Variants in PIP5K1B observed in about 807,000 individuals in gnomAD.
PIP5K1B encodes the protein phosphatidylinositol-4-phosphate 5-kinase type 1 beta.
A neutral mutation model predicts 67.0 loss-of-function variants in PIP5K1B; 42 were observed. The observed-to-expected ratio is 0.63, with a 90% confidence interval of 0.49 to 0.81. The LOEUF is 0.81. PIP5K1B is among the 30% of genes least tolerant of loss of function. PIP5K1B has a pLI of 0.00. For missense variants in PIP5K1B, 459 were observed against 646.3 expected, an observed-to-expected ratio of 0.71 and a Z score of 3.14; for synonymous variants, 214 against 231.4, an observed-to-expected ratio of 0.92 and a Z score of 0.68.
chr9:68,943,706 T>C (rs943680364), intron 14 of PIP5K1B, among the ~76,000 whole-genome samples: 4 of 152,204 alleles, frequency 2.6e-5, no homozygotes, highest in African/African-American at 7.2e-5. Flanking sequence ...ATTGATGTTA[T>C]AATTTACATG....
chr9:69,006,445 T>C (rs989337659), intron 15 of PIP5K1B, among the ~76,000 whole-genome samples: 3 of 152,096 alleles, frequency 2.0e-5, no homozygotes, highest in Non-Finnish European at 4.4e-5. Flanking sequence ...GAGATTCCAC[T>C]CACCTCCCGA....
At chr9:68,923,938 A>G (rs767104911) in intron 12 of PIP5K1B, among the ~76,000 whole-genome samples, 6 of 152,174 alleles carry the variant, frequency 3.9e-5, no homozygotes, top group Admixed American at 1.3e-4. Context: ...CTTCTCAAGT[A>G]TTTGAAAATT....
intron 4 of PIP5K1B, among the ~76,000 whole-genome samples, chr9:68,831,692 T>A (rs1210213329): frequency 6.6e-6 from 1 of 152,170 alleles, no homozygotes; most frequent in Non-Finnish European, 1.5e-5. Context: ...ACTTTTTTTT[T>A]TTGACGGAGT....
intron 13 of PIP5K1B, among the ~76,000 whole-genome samples, chr9:68,935,711 C>T (rs1827230966): frequency 6.6e-6 from 1 of 152,206 alleles, no homozygotes; most frequent in South Asian, 2.1e-4. Context: ...CACACACATA[C>T]ACTCAATGTA....
intron 2 of PIP5K1B, among the ~76,000 whole-genome samples, chr9:68,770,648 T>C (rs956584741): frequency 2.6e-5 from 4 of 152,146 alleles, no homozygotes; most frequent in Non-Finnish European, 5.9e-5. Flanking sequence ...TAGATTCTCA[T>C]AGAAGCGCAA....
chr9:68,967,014 G>T (rs1372961522), intron 14 of PIP5K1B, among the ~76,000 whole-genome samples: 1 of 152,142 alleles, frequency 6.6e-6, no homozygotes, highest in African/African-American at 2.4e-5. Context: ...ATTTTCACCT[G>T]CCATAGAATC....
chr9:68,917,842 T>G, intron 9 of PIP5K1B, 83 bp downstream of exon 9: 1 of 993,842 alleles, frequency 1.0e-6, no homozygotes, highest in Non-Finnish European at 1.6e-6. Flanking sequence ...ACATTCACCT[T>G]AGGGTGGGAC....
At chr9:68,993,436 C>T (rs559379054) in intron 15 of PIP5K1B, among the ~76,000 whole-genome samples, 35 of 152,214 alleles carry the variant, frequency 2.3e-4, no homozygotes, top group African/African-American at 7.5e-4. Flanking sequence ...CTTGACCGCC[C>T]CCTACGTAAA....
intron 6 of PIP5K1B, among the ~76,000 whole-genome samples, chr9:68,882,349 TCA>T (rs1358696106): frequency 6.6e-6 from 1 of 152,244 alleles, no homozygotes; most frequent in Non-Finnish European, 1.5e-5. Context: ...AGTATCATAA[TCA>T]CAGTTTATTG....
At chr9:68,914,775 G>A (rs1232286953) in intron 8 of PIP5K1B, among the ~76,000 whole-genome samples, 2 of 152,050 alleles carry the variant, frequency 1.3e-5, no homozygotes, top group East Asian at 1.9e-4. Flanking sequence ...GAAAATTCCT[G>A]TGTTGTCAGC....
At chr9:68,959,887 A>G (rs1828622558) in intron 14 of PIP5K1B, among the ~76,000 whole-genome samples, 1 of 152,198 alleles carries the variant, frequency 6.6e-6, no homozygotes, top group Non-Finnish European at 1.5e-5. Context: ...CTCTCCCCAG[A>G]GTCTTCTGAC....
chr9:68,797,750 C>A (rs1329978400), intron 2 of PIP5K1B, among the ~76,000 whole-genome samples: 1 of 152,160 alleles, frequency 6.6e-6, no homozygotes, highest in South Asian at 2.1e-4. Flanking sequence ...TTCAAATTAT[C>A]TGCTAAATTT....
chr9:68,709,434 T>C lies in PIP5K1B; in HGVS notation c.-243+3672T>C, dbSNP rs111651425. Among the ~76,000 whole-genome samples, 19 of 152,240 alleles carry C rather than the reference T, an allele frequency of 1.2e-4. 3 individuals carry two copies. The highest frequency in any genetic ancestry group is 4.3e-4 in the African/African-American group (18 of 41,548). ...TTTTGGCAGAGACAGGGTTGCACCA[T>C]GTTGCCTAGGCTGGTCTGTAACTCG... On this transcript the variant is annotated intron_variant, in intron 1 of 15. Coordinates refer to ENST00000265382, the MANE Select transcript of PIP5K1B (RefSeq NM_003558.4).
Position 68,781,130 on chromosome 9 carries a change from G to A in PIP5K1B, c.-85-37331G>A, listed in dbSNP as rs557339872. On this transcript the variant is annotated intron_variant, in intron 2 of 15. Transcript: ENST00000265382. The stretch of plus-strand genomic sequence containing the variant: ...ATTAATTTGAGGCTATTTCCTATTT[G>A]ACCCCTTTTCTTTTTTGAAATTCCC... 9.7e-6 allele frequency: 14 copies of A among 1,447,760 alleles called. No homozygotes were observed. The East Asian group carries it at 2.1e-4, about 21-fold the overall frequency. 89.7% of individuals were successfully genotyped at this position (1,447,760 alleles called of 1,614,324 possible).
chr9:68,859,893 CT>C (rs1038782745), intron 4 of PIP5K1B, among the ~76,000 whole-genome samples: 1 of 151,960 alleles, frequency 6.6e-6, no homozygotes, highest in Non-Finnish European at 1.5e-5. Flanking sequence ...AGACAAGATG[CT>C]TTTTTTCTAT....
chr9:68,846,502 A>G (rs141591175), intron 4 of PIP5K1B, among the ~76,000 whole-genome samples: 26 of 152,212 alleles, frequency 1.7e-4, no homozygotes, highest in African/African-American at 5.1e-4. Flanking sequence ...CATCTGCTGG[A>G]TCTATTCTAT....
At chr9:68,912,056 C>T (rs770599421) in intron 8 of PIP5K1B, among the ~76,000 whole-genome samples, 1 of 152,088 alleles carries the variant, frequency 6.6e-6, no homozygotes, top group Non-Finnish European at 1.5e-5. Flanking sequence ...ACTTCTCCCT[C>T]GAGCTCCCCA....
At position 68,725,622 on chromosome 9, in the gene PIP5K1B, G is replaced by A. The variant is rs111412235; in HGVS notation, c.-242-16879G>A. Among the ~76,000 whole-genome samples the A allele has an allele frequency of 1.2e-4, 19 of 152,302 alleles. 3 individuals are homozygous for A. Among genetic ancestry groups the A allele is most frequent in the African/African-American group, 4.3e-4 (18 of 41,568 alleles). ...TAGGAGTGGGACACTGCTAAAGTCT[G>A]ATTAGAGTTCCAGAATTTAAACATC... is the stretch of plus-strand genomic sequence containing the variant. On this transcript the variant is annotated intron_variant, in intron 1 of 15. Transcript: ENST00000265382.
At chr9:68,987,672 A>G (rs56277321) in intron 14 of PIP5K1B, among the ~76,000 whole-genome samples, 115 of 152,324 alleles carry the variant, frequency 7.5e-4, no homozygotes, top group African/African-American at 2.6e-3. Flanking sequence ...GGGAAGAAAA[A>G]TAGGTTTTAT....
Sources: gnomAD v4.1 joint callset for allele counts (sites outside exome capture counted in the v4.1 genomes callset) on GRCh38, gnomAD v4.1.1 for gene constraint, MANE v1.5 for transcripts, NCBI Gene and HGNC (gene_info 2026-07-23, HGNC 2026-07-21) for gene names.